DLGAP2: variants seen among roughly 807,000 people sequenced by gnomAD.
DLGAP2 encodes DLG associated protein 2, also known as disks large-associated protein 2.
DLGAP2 carries 26 observed loss-of-function variants against 100.3 expected under a neutral mutation model. That is an observed-to-expected ratio of 0.26 (90% CI 0.19 to 0.36). The LOEUF is 0.36. Ranked by LOEUF, DLGAP2 falls within the 10% of genes least tolerant of loss-of-function variation. The probability of loss-of-function intolerance (pLI) is 1.00; values close to 1 mark genes in which losing one functional copy is unlikely to be tolerated. For synonymous variants in DLGAP2, 886 were observed against 630.1 expected, an observed-to-expected ratio of 1.41 and a Z score of -6.08; for missense variants, 1,858 against 1,453.2, an observed-to-expected ratio of 1.28 and a Z score of -4.53.
intron 3 of DLGAP2, among the ~76,000 whole-genome samples, chr8:1,478,600 G>A (rs1178233165): frequency 6.6e-6 from 1 of 151,394 alleles, no homozygotes; most frequent in Non-Finnish European, 1.5e-5. Context: ...CGCGGCACCT[G>A]GATGGCAGCC....
At chr8:1,068,733 G>T (rs887935956) in intron 2 of DLGAP2, among the ~76,000 whole-genome samples, 1 of 152,158 alleles carries the variant, frequency 6.6e-6, no homozygotes, top group African/African-American at 2.4e-5. Flanking sequence ...GGGGCTCAGC[G>T]CATGTGGGTC....
rs1006363151 is a variant in DLGAP2, at chr8:1,694,100, G to A, written c.2796+2474G>A. ...AATAGCTAATATTTGGCTTAAAATT[G>A]TTCATCCTAATATTTGTTATGCCTT... On this transcript the variant is annotated intron_variant, in intron 13 of 14. Coordinates refer to ENST00000637795, the MANE Select transcript of DLGAP2 (RefSeq NM_001346810.2). 3.9e-5 allele frequency among the ~76,000 whole-genome samples: 6 copies of A among 152,280 alleles called. No individual in the cohort carries two copies. In the East Asian group the frequency reaches 9.6e-4, roughly 24 times the overall value.
chr8:1,688,646 G>A (rs970619599), intron 12 of DLGAP2, among the ~76,000 whole-genome samples: 2 of 152,128 alleles, frequency 1.3e-5, no homozygotes, highest in Admixed American at 6.5e-5. Flanking sequence ...TGTGTGAAAG[G>A]TTTCATAATA....
intron 1 of DLGAP2, among the ~76,000 whole-genome samples, chr8:881,508 T>C (rs1408257330): frequency 1.3e-5 from 2 of 148,764 alleles, no homozygotes; most frequent in African/African-American, 5.0e-5. Flanking sequence ...TTTTTTTTTT[T>C]TTTTTTTTTG....
chr8:1,274,695 CTTTTTTTTTT>C (rs145930765), intron 3 of DLGAP2, among the ~76,000 whole-genome samples: 50 of 22,222 alleles, frequency 2.3e-3, no homozygotes, highest in Middle Eastern at 0.056. Flanking sequence ...TTTCATTTAT[CTTTTTTTTTT>C]TTTTTTTTTT....
chr8:1,667,265 G>T (rs1000329790), intron 8 of DLGAP2, among the ~76,000 whole-genome samples: 1 of 152,218 alleles, frequency 6.6e-6, no homozygotes, highest in African/African-American at 2.4e-5. Flanking sequence ...TCCAGGCCAA[G>T]GTGCCTCATG....
chr8:1,218,499 G>GTT (rs58452184), intron 2 of DLGAP2, among the ~76,000 whole-genome samples: 38,965 of 151,476 alleles, frequency 0.26, 7,355 homozygotes, highest in African/African-American at 0.53. Context: ...GTTTAGTTTT[G>GTT]TTTTTTTACC....
chr8:809,124 C>G (rs887190060), intron 1 of DLGAP2, among the ~76,000 whole-genome samples: 1 of 151,990 alleles, frequency 6.6e-6, no homozygotes, highest in South Asian at 2.1e-4. Flanking sequence ...AGGCTGGTTT[C>G]GAATTCCTGG....
At chr8:1,375,318 C>T (rs1326829089) in intron 3 of DLGAP2, among the ~76,000 whole-genome samples, 1 of 53,992 alleles carries the variant, frequency 1.9e-5, no homozygotes, top group Non-Finnish European at 3.3e-5. Context: ...GAACTGAGCC[C>T]CCACCTCCTA....
chr8:955,216 C>T (rs948398620), intron 2 of DLGAP2, among the ~76,000 whole-genome samples: 1 of 152,158 alleles, frequency 6.6e-6, no homozygotes, highest in African/African-American at 2.4e-5. Context: ...GACTGCGAGC[C>T]TGTCTCAGAA....
chr8:1,561,615 G>C (rs2130559958), intron 5 of DLGAP2, among the ~76,000 whole-genome samples: 1 of 152,280 alleles, frequency 6.6e-6, no homozygotes, highest in East Asian at 1.9e-4. Flanking sequence ...GGCCACCTTG[G>C]GGGTGCTACA....
At chr8:1,366,447 G>A (rs527807684) in intron 3 of DLGAP2, among the ~76,000 whole-genome samples, 14 of 152,324 alleles carry the variant, frequency 9.2e-5, no homozygotes, top group Non-Finnish European at 1.3e-4. Context: ...AAGAACAGAC[G>A]TGGGTCCCCA....
At chr8:1,053,368 A>T (rs182966181) in intron 2 of DLGAP2, among the ~76,000 whole-genome samples, 1 of 152,268 alleles carries the variant, frequency 6.6e-6, no homozygotes, top group East Asian at 1.9e-4. Flanking sequence ...CACAGGCAGT[A>T]CAAGTGATGA....
intron 3 of DLGAP2, among the ~76,000 whole-genome samples, chr8:1,344,784 C>G (rs1295235498): frequency 6.6e-6 from 1 of 152,214 alleles, no homozygotes; most frequent in African/African-American, 2.4e-5. Context: ...GTAACTGAGG[C>G]ATCTGTGCAG....
chr8:1,534,547 C>T (rs749198091), intron 4 of DLGAP2, among the ~76,000 whole-genome samples: 1 of 152,208 alleles, frequency 6.6e-6, no homozygotes, highest in East Asian at 1.9e-4. Context: ...AGTTTAGAAT[C>T]ACAAAACTCC....
chr8:1,025,105 T>C (rs746474283), intron 2 of DLGAP2, among the ~76,000 whole-genome samples: 41 of 151,896 alleles, frequency 2.7e-4, no homozygotes, highest in Non-Finnish European at 4.7e-4. Context: ...TGTGTGCGTG[T>C]ATGTGTGTGC....
intron 1 of DLGAP2, 91 bp downstream of exon 1, chr8:737,916 C>G (rs1310077432): frequency 5.5e-6 from 2 of 360,892 alleles, no homozygotes; most frequent in Non-Finnish European, 9.9e-6. Flanking sequence ...CCCGCGGGGA[C>G]GCCCCGAGGG....
chr8:1,033,475 T>C (rs1206353463), intron 2 of DLGAP2, among the ~76,000 whole-genome samples: 1 of 152,164 alleles, frequency 6.6e-6, no homozygotes, highest in East Asian at 1.9e-4. Context: ...AAGACCAGCC[T>C]GGGCAACATG....
chr8:1,125,811 G>T (rs1356740282), intron 2 of DLGAP2, among the ~76,000 whole-genome samples: 1 of 152,248 alleles, frequency 6.6e-6, no homozygotes, highest in Non-Finnish European at 1.5e-5. Flanking sequence ...CCGCTCTACA[G>T]CTAGGCTCTT....
Sources: gnomAD v4.1 joint callset for allele counts (sites outside exome capture counted in the v4.1 genomes callset) on GRCh38, gnomAD v4.1.1 for gene constraint, MANE v1.5 for transcripts, NCBI Gene and HGNC (gene_info 2026-07-23, HGNC 2026-07-21) for gene names.